The following RBFOX1 variants were observed in gnomAD, a reference collection of about 807,000 sequenced individuals.
RBFOX1 encodes RNA binding fox-1 homolog 1, also known as RNA binding protein fox-1 homolog 1.
A neutral mutation model predicts 57.7 loss-of-function variants in RBFOX1; 8 were observed. The observed-to-expected ratio is 0.14, with a 90% CI of 0.08 to 0.25. The LOEUF (loss-of-function observed/expected upper bound fraction) is 0.25. Ranked by LOEUF, RBFOX1 falls within the 10% of genes least tolerant of loss-of-function variation. The pLI, the probability that RBFOX1 is intolerant of heterozygous loss-of-function variation, is 1.00. For missense variants in RBFOX1, 611 were observed against 548.5 expected, an observed-to-expected ratio of 1.11 and a Z score of -1.14; for synonymous variants, 326 against 222.4, an observed-to-expected ratio of 1.47 and a Z score of -4.15.
intron 1 of RBFOX1, among the ~76,000 whole-genome samples, chr16:6,053,088 C>G (rs1410969157): frequency 6.6e-6 from 1 of 152,108 alleles, no homozygotes; most frequent in African/African-American, 2.4e-5. Flanking sequence ...AGGGTCTCAT[C>G]TTAGCAATTC....
In RBFOX1 at chr16:6,865,825, G is replaced by C. The variant is rs1468776826; in HGVS notation, c.-15-186232G>C. Among the ~76,000 whole-genome samples the C allele has an allele frequency of 2.6e-5, 4 of 152,032 alleles. No individual in the cohort carries two copies. In the South Asian group the frequency reaches 6.2e-4, roughly 24 times the overall value. On this transcript the variant is annotated intron_variant, in intron 3 of 15. Transcript: ENST00000550418. ...ACAGTTGCACACGGAGAATTTTCAG[G>C]TACAATTAACTTCTCTCTTTTTTGC...
intron 1 of RBFOX1, among the ~76,000 whole-genome samples, chr16:5,371,223 C>G (rs866100939): frequency 1.3e-5 from 2 of 152,238 alleles, no homozygotes; most frequent in Admixed American, 6.5e-5. Flanking sequence ...ACTGGGATTA[C>G]AGGCGTGAGC....
intron 3 of RBFOX1, among the ~76,000 whole-genome samples, chr16:6,991,034 G>T (rs1245461779): frequency 6.6e-6 from 1 of 150,582 alleles, no homozygotes; most frequent in South Asian, 2.1e-4. Context: ...AGGCGTGGTG[G>T]CTCACACCTG....
chr16:6,595,451 A>G (rs1218324240), intron 2 of RBFOX1, among the ~76,000 whole-genome samples: 1 of 152,198 alleles, frequency 6.6e-6, no homozygotes, highest in East Asian at 1.9e-4. Context: ...GTGTTTGTCC[A>G]TTCATTGGTT....
intron 2 of RBFOX1, among the ~76,000 whole-genome samples, chr16:6,514,757 A>T (rs1352208811): frequency 1.3e-5 from 2 of 152,028 alleles, no homozygotes; most frequent in African/African-American, 4.8e-5. Context: ...TTATTGTAAT[A>T]AGGAGGAAGG....
intron 1 of RBFOX1, among the ~76,000 whole-genome samples, chr16:5,446,763 C>T (rs968190372): frequency 6.6e-6 from 1 of 152,128 alleles, no homozygotes; most frequent in African/African-American, 2.4e-5. Context: ...TCCTCCTGTC[C>T]ATCCCCACCG....
chr16:6,341,802 C>T (rs1236755502), intron 2 of RBFOX1, among the ~76,000 whole-genome samples: 3 of 152,092 alleles, frequency 2.0e-5, no homozygotes, highest in Non-Finnish European at 4.4e-5. Context: ...ATTGTGGGCT[C>T]TCCCTGAATT....
chr16:5,868,187 A>G (rs546156357), intron 4 of RBFOX1, among the ~76,000 whole-genome samples: 17 of 152,336 alleles, frequency 1.1e-4, no homozygotes, highest in African/African-American at 3.8e-4. Context: ...CCAGCACGAT[A>G]GAGCCGGTCA....
chr16:6,622,839 A>T (rs2098252317), intron 2 of RBFOX1, among the ~76,000 whole-genome samples: 1 of 152,194 alleles, frequency 6.6e-6, no homozygotes, highest in Non-Finnish European at 1.5e-5. Context: ...GCACAGAGCA[A>T]ATGTGAAATT....
intron 3 of RBFOX1, among the ~76,000 whole-genome samples, chr16:6,899,476 G>A (rs1596552710): frequency 1.3e-5 from 2 of 152,144 alleles, no homozygotes; most frequent in African/African-American, 4.8e-5. Flanking sequence ...TCTGTCAAGA[G>A]CACCGAGTCA....
At chr16:7,415,674 A>T (rs2098471199) in intron 4 of RBFOX1, among the ~76,000 whole-genome samples, 1 of 152,180 alleles carries the variant, frequency 6.6e-6, no homozygotes, top group South Asian at 2.1e-4. Context: ...GCCACCCTCT[A>T]CCAAGAAGCA....
chr16:7,689,774 T>C (rs907934024), intron 14 of RBFOX1, among the ~76,000 whole-genome samples: 9 of 151,910 alleles, frequency 5.9e-5, no homozygotes, highest in Non-Finnish European at 1.0e-4. Flanking sequence ...AAGTGGTCCA[T>C]TAAGAGGAAC....
At chr16:7,395,740 T>C (rs1222575315) in intron 4 of RBFOX1, among the ~76,000 whole-genome samples, 2 of 152,220 alleles carry the variant, frequency 1.3e-5, no homozygotes, top group African/African-American at 4.8e-5. Flanking sequence ...AATACATTTC[T>C]GAAATATCAA....
intron 3 of RBFOX1, among the ~76,000 whole-genome samples, chr16:6,751,196 G>T (rs1466870730): frequency 2.0e-5 from 3 of 152,180 alleles, no homozygotes; most frequent in African/African-American, 7.2e-5. Flanking sequence ...ACAATGAAGA[G>T]TTTTAAGGAC....
At chr16:7,220,896 G>C (rs1466842639) in intron 4 of RBFOX1, among the ~76,000 whole-genome samples, 5 of 151,992 alleles carry the variant, frequency 3.3e-5, no homozygotes, top group Non-Finnish European at 7.4e-5. Context: ...ATACTTCTGG[G>C]ACTGCTCTAT....
chr16:5,369,886 A>G (rs920419547), intron 1 of RBFOX1, among the ~76,000 whole-genome samples: 5 of 152,118 alleles, frequency 3.3e-5, no homozygotes, highest in Non-Finnish European at 7.4e-5. Flanking sequence ...AGAAACCACA[A>G]TTACTTTTGC....
At chr16:7,302,731 G>A (rs1366377093) in intron 4 of RBFOX1, among the ~76,000 whole-genome samples, 2 of 134,694 alleles carry the variant, frequency 1.5e-5, no homozygotes, top group African/African-American at 5.3e-5. Flanking sequence ...TGCCAAGAAT[G>A]CAAGAATGTG....
intron 1 of RBFOX1, among the ~76,000 whole-genome samples, chr16:6,132,335 C>A (rs62015666): frequency 0.12 from 17,525 of 152,224 alleles, 1,405 homozygotes; most frequent in Non-Finnish European, 0.17. Flanking sequence ...TCCATTGTTT[C>A]TTCTAGCATA....
At chr16:6,700,250 T>G (rs1462839214) in intron 3 of RBFOX1, among the ~76,000 whole-genome samples, 2 of 152,136 alleles carry the variant, frequency 1.3e-5, no homozygotes, top group Non-Finnish European at 2.9e-5. Context: ...ATCTCAGGGC[T>G]TCCTCTCAAT....
Sources: gnomAD v4.1 joint callset for allele counts (sites outside exome capture counted in the v4.1 genomes callset) on GRCh38, gnomAD v4.1.1 for gene constraint, MANE v1.5 for transcripts, NCBI Gene and HGNC (gene_info 2026-07-23, HGNC 2026-07-21) for gene names.